Variants in SULT4A1 observed in about 807,000 individuals in gnomAD.
The protein encoded by SULT4A1 is sulfotransferase family 4A member 1.
A neutral mutation model predicts 35.2 loss-of-function variants in SULT4A1; 11 were observed. The observed-to-expected ratio is 0.31, with a 90% CI of 0.20 to 0.52. The LOEUF (loss-of-function observed/expected upper bound fraction) is 0.52. Ranked by LOEUF, SULT4A1 falls within the 20% of genes least tolerant of loss-of-function variation. SULT4A1 has a pLI of 0.97. For synonymous variants in SULT4A1, 152 were observed against 151.8 expected (o/e 1.00, Z -0.01); for missense variants, 271 against 383.7 (o/e 0.71, Z 2.45).
At chr22:43,862,063 C>A (rs1569505618) in intron 1 of SULT4A1, 151 bp downstream of exon 1, 6 of 244,926 alleles carry the variant, frequency 2.4e-5, no homozygotes, top group Non-Finnish European at 7.2e-6. Flanking sequence ...CGCAGGGATC[C>A]GAGCATCGGG....
At chr22:43,840,736 T>C (rs1388542482) in intron 2 of SULT4A1, among the ~76,000 whole-genome samples, 6 of 152,190 alleles carry the variant, frequency 3.9e-5, no homozygotes, top group Non-Finnish European at 7.4e-5. Flanking sequence ...GCCAGCACCG[T>C]GCTCTCTGCT....
Position 43,838,504 on chromosome 22 carries a change from T to C in SULT4A1, c.508+363A>G, listed in dbSNP as rs79996620. Among the ~76,000 whole-genome samples the C allele has an allele frequency of 2.7e-3, 416 of 152,380 alleles. 3 individuals are homozygous for C. The highest frequency in any genetic ancestry group is 9.5e-3 in the African/African-American group (396 of 41,596). ...TAGCTCCAGTCTCCACTCCAGGCCC[T>C]ATCACTAACAGTAGTGATACCTGGG... On this transcript the variant is annotated intron_variant, in intron 4 of 6. Coordinates refer to ENST00000330884, the MANE Select transcript of SULT4A1 (RefSeq NM_014351.4).
rs373515981 is a variant in SULT4A1, at chr22:43,829,298, G to A, written c.604-100C>T. 59 of 1,312,216 alleles carry A rather than the reference G, an allele frequency of 4.5e-5. No homozygotes were observed. The East Asian group carries it at 5.7e-4, about 13-fold the overall frequency. 81.3% of individuals were successfully genotyped at this position (1,312,216 alleles called of 1,614,324 possible). On this transcript the variant is annotated intron_variant, in intron 5 of 6. Transcript: ENST00000330884. ...CACACGCTGAGGACTTTTTACACACGGCCTTCCTTACTTAATGCTCACAAG... is the reference window on the plus strand; with the variant it reads ...CACACGCTGAGGACTTTTTACACACAGCCTTCCTTACTTAATGCTCACAAG...
chr22:43,836,002 A>G (rs2063368914), intron 4 of SULT4A1, among the ~76,000 whole-genome samples: 2 of 152,256 alleles, frequency 1.3e-5, no homozygotes, highest in Non-Finnish European at 2.9e-5. Flanking sequence ...CCTGGGCTCC[A>G]CGCTGCTCTG....
At chr22:43,842,899 C>G (rs1278464959) in intron 1 of SULT4A1, among the ~76,000 whole-genome samples, 2 of 151,968 alleles carry the variant, frequency 1.3e-5, no homozygotes, top group African/African-American at 4.8e-5. Context: ...GCTCATTATC[C>G]CCCCAGCCCT....
intron 1 of SULT4A1, among the ~76,000 whole-genome samples, chr22:43,852,168 A>G (rs1019303979): frequency 4.6e-5 from 7 of 152,100 alleles, no homozygotes; most frequent in Non-Finnish European, 1.0e-4. Context: ...GCTCCCTGAG[A>G]AACAGCAACA....
intron 1 of SULT4A1, among the ~76,000 whole-genome samples, chr22:43,850,082 G>A (rs1352135491): frequency 2.0e-5 from 3 of 152,178 alleles, no homozygotes; most frequent in East Asian, 1.9e-4. Flanking sequence ...CGAAGCAGTC[G>A]GGAAATGTCT....
Position 43,833,695 on chromosome 22 carries a change from C to T in SULT4A1, c.548G>A (p.Trp183Ter). 6 of 1,587,568 alleles carry T rather than the reference C, an allele frequency of 3.8e-6. No individual in the cohort carries two copies. Among genetic ancestry groups the T allele is most frequent in the Non-Finnish European group, 5.1e-6 (6 of 1,166,532 alleles). The change falls in exon 5 of 7, where the codon TGG becomes TAG. Residue 183 changes from tryptophan to a stop codon, truncating the protein, a stop_gained. Transcript: ENST00000330884. LOFTEE classifies it high-confidence loss of function. ...GSWFEHVQEF[W>*]EHRMDSNVLF... ...CACGTTCGAGTCCATGCGGTGCTCC[C>T]AGAACTCCTGCACGTGCTCAAACCA...
At chr22:43,832,754 G>T (rs896146016) in intron 5 of SULT4A1, among the ~76,000 whole-genome samples, 4 of 152,160 alleles carry the variant, frequency 2.6e-5, no homozygotes, top group Non-Finnish European at 4.4e-5. Context: ...GCCAGGTCTG[G>T]CGTCTTCCTG....
intron 5 of SULT4A1, among the ~76,000 whole-genome samples, chr22:43,832,338 C>G (rs532424176): frequency 6.6e-6 from 1 of 152,178 alleles, no homozygotes; most frequent in South Asian, 2.1e-4. Context: ...TGACCTTGCT[C>G]TTTCCTCACC....
rs567738527 is a variant in SULT4A1, at chr22:43,849,289, G to C, written c.170-7357C>G. ...AGTTGCACCTGTGATAGGGACAGGG[G>C]GCAGGGAAAGATGGGGCAGAAGACG... On this transcript the variant is annotated intron_variant, in intron 1 of 6. Transcript: ENST00000330884. 2.0e-5 allele frequency among the ~76,000 whole-genome samples: 3 copies of C among 152,270 alleles called. No homozygotes were observed. The South Asian group carries it at 6.2e-4, about 32-fold the overall frequency.
rs746201907 is a variant in SULT4A1 at position 43,841,797 on chromosome 22, G to A, written c.300+5C>T. On this transcript the variant is annotated splice_donor_5th_base_variant and intron_variant, in intron 2 of 6. Coordinates refer to ENST00000330884, the MANE Select transcript of SULT4A1 (RefSeq NM_014351.4). ...GCTGGGACAGGTGCTGCTGGCCCTG[G>A]GTACCTTGATGATGTCCAGGCCCGG... 1 of 1,611,928 alleles carries A rather than the reference G, an allele frequency of 6.2e-7. No individual in the cohort carries two copies. Among genetic ancestry groups the A allele is most frequent in the East Asian group, 2.2e-5 (1 of 44,776 alleles).
chr22:43,839,789 A>C (rs1603406360), intron 3 of SULT4A1, among the ~76,000 whole-genome samples, 156 bp downstream of exon 3: 1 of 152,256 alleles, frequency 6.6e-6, no homozygotes, highest in East Asian at 1.9e-4. Flanking sequence ...CGCATGACCC[A>C]AGACCACCTC....
At chr22:43,843,519 G>C (rs2063450313) in intron 1 of SULT4A1, among the ~76,000 whole-genome samples, 1 of 152,256 alleles carries the variant, frequency 6.6e-6, no homozygotes, top group Non-Finnish European at 1.5e-5. Context: ...CGCACAGGCA[G>C]GCCTTCCTGG....
chr22:43,842,074 G>A (rs1054955810), intron 1 of SULT4A1, 142 bp from the exon 2 acceptor site: 33 of 1,327,786 alleles, frequency 2.5e-5, no homozygotes, highest in South Asian at 6.1e-5. Context: ...GAAGAGGAGC[G>A]CGCCCCGCAC....
intron 1 of SULT4A1, among the ~76,000 whole-genome samples, chr22:43,847,885 A>C (rs1351413497): frequency 6.6e-6 from 1 of 152,166 alleles, no homozygotes; most frequent in East Asian, 1.9e-4. Flanking sequence ...GATCACCCAA[A>C]ACGTGGTGCC....
intron 1 of SULT4A1, among the ~76,000 whole-genome samples, chr22:43,861,159 TGA>T (rs1028549672): frequency 7.9e-5 from 12 of 152,144 alleles, no homozygotes; most frequent in African/African-American, 2.7e-4. Flanking sequence ...CACCCTCCAC[TGA>T]GAGTCCCTAC....
chr22:43,841,605 C>T (rs903799276), intron 2 of SULT4A1, among the ~76,000 whole-genome samples, 197 bp downstream of exon 2: 2 of 152,120 alleles, frequency 1.3e-5, no homozygotes, highest in Non-Finnish European at 2.9e-5. Context: ...GACTCCCTGA[C>T]GCTGATGTGT....
intron 1 of SULT4A1, among the ~76,000 whole-genome samples, chr22:43,850,267 C>T (rs1332321042): frequency 2.0e-5 from 3 of 152,226 alleles, no homozygotes; most frequent in Non-Finnish European, 2.9e-5. Context: ...TTTAGATGGG[C>T]TAATGATTTT....
Sources: allele counts gnomAD v4.1 joint callset (sites outside exome capture counted in the v4.1 genomes callset), GRCh38; gene constraint gnomAD v4.1.1; transcripts MANE v1.5; gene names NCBI Gene and HGNC (gene_info 2026-07-23, HGNC 2026-07-21).